Variants in DST observed in about 807,000 individuals in gnomAD.
DST encodes dystonin.
In DST, 253 loss-of-function variants were observed where a neutral mutation model predicts 875.2. The observed-to-expected ratio is 0.29, with a 90% confidence interval of 0.26 to 0.32. DST has a LOEUF of 0.32. Among genes scored for constraint, DST ranks in the 10% least tolerant of loss-of-function variants. The pLI, the probability that DST is intolerant of heterozygous loss-of-function variation, is 1.00. For missense variants in DST, 8,287 were observed against 9,111.6 expected (o/e 0.91, Z 3.68); for synonymous variants, 3,124 against 3,197.1 (o/e 0.98, Z 0.77).
intron 3 of DST, among the ~76,000 whole-genome samples, chr6:56,884,647 C>T (rs1019221018): frequency 6.6e-6 from 1 of 152,136 alleles, no homozygotes; most frequent in African/African-American, 2.4e-5. Flanking sequence ...AGGAGCCTCT[C>T]CAAGTTTACT....
intron 4 of DST, among the ~76,000 whole-genome samples, chr6:56,800,835 A>G (rs952931778): frequency 1.3e-5 from 2 of 152,100 alleles, no homozygotes; most frequent in African/African-American, 4.8e-5. Flanking sequence ...CCTGGGCAAC[A>G]TGGTGAAACC....
At chr6:56,890,137 G>A (rs564479422) in intron 3 of DST, among the ~76,000 whole-genome samples, 1 of 147,930 alleles carries the variant, frequency 6.8e-6, no homozygotes, top group South Asian at 2.1e-4. Flanking sequence ...GAGTGCCTAG[G>A]TTTAAATGTT....
rs1587201824 is a variant in DST, at chr6:56,631,308, C to T, written c.4045G>A (p.Ala1349Thr). 1 of 1,613,962 alleles carries T rather than the reference C, an allele frequency of 6.2e-7. No individual in the cohort carries two copies. The highest frequency in any genetic ancestry group is 8.5e-7 in the Non-Finnish European group (1 of 1,179,924). Reference sequence around the variant, plus strand: ...AGGGTAGGGACTGATGAAGAGGCTGCTGCTTGACTGAAAAACTCCTCACAC... The same window carrying T: ...AGGGTAGGGACTGATGAAGAGGCTGTTGCTTGACTGAAAAACTCCTCACAC... ...NKCEEFFSQAAASSSVPTLRS... is the reference protein window; with the variant it reads ...NKCEEFFSQATASSSVPTLRS... Residue 1349 changes from alanine (A) to threonine (T), a missense_variant, in exon 30 of 104, where the codon GCA becomes ACA. Ala to Thr is a moderately conservative substitution (Grantham distance 58). Around this residue, in one of 10 missense-constraint regions of DST, gnomAD observed 3,138 missense variants for 3,116.6 expected, o/e 1.01. Coordinates refer to ENST00000680361, the MANE Select transcript of DST (RefSeq NM_001374736.1).
rs761822159 is a variant in DST at position 56,504,067 on chromosome 6, C to G, written c.19496G>C (p.Gly6499Ala). The change falls in exon 78 of 104, where the codon GGT becomes GCT. Residue 6499 changes from glycine (G) to alanine (A), a missense_variant. Coordinates refer to ENST00000680361, the MANE Select transcript of DST (RefSeq NM_001374736.1). ...AATTGGAGACATTGAAGCTAATTTA[C>G]CACCTGCAATATCTACCCAGTCAAA... ...AVFDWVDIAG[G>A]KLASMSPIGT... 6.2e-7 allele frequency: 1 copy of G among 1,609,932 alleles called. No individual in the cohort carries two copies. The highest frequency in any genetic ancestry group is 1.1e-5 in the South Asian group (1 of 90,208).
Position 56,905,687 on chromosome 6 carries a change from C to T in DST, c.217-5066G>A, listed in dbSNP as rs1796088065. Among the ~76,000 whole-genome samples, 4 of 149,756 alleles carry T rather than the reference C, an allele frequency of 2.7e-5. No homozygotes were observed. The South Asian group carries it at 8.4e-4, about 31-fold the overall frequency. ...TTTTTTAGACAGAGTCTTGCTTTGTCACCCAGGCTGAAGTGCAATGGCACA... is the reference window on the plus strand; with the variant it reads ...TTTTTTAGACAGAGTCTTGCTTTGTTACCCAGGCTGAAGTGCAATGGCACA... On this transcript the variant is annotated intron_variant, in intron 2 of 103. Coordinates refer to ENST00000680361, the MANE Select transcript of DST (RefSeq NM_001374736.1).
At position 56,604,680 on chromosome 6, in the gene DST, A is replaced by G; in HGVS notation, c.9948T>C (p.Ile3316=). 1 of 1,611,404 alleles carries G rather than the reference A, an allele frequency of 6.2e-7. No homozygotes were observed. Among genetic ancestry groups the G allele is most frequent in the Non-Finnish European group, 8.5e-7 (1 of 1,178,360 alleles). Residue 3316 remains isoleucine (I), a synonymous_variant, in exon 40 of 104, where the codon ATT becomes ATC. Transcript: ENST00000680361. The part of the protein sequence containing the change: ...TLNTDYSFLE[I]NNKKERIEQQ... Reference sequence around the variant, plus strand: ...GCTCAATTCTTTCTTTCTTATTATTAATTTCTAAGAATGAATAGTCAGTAT... The same window carrying G: ...GCTCAATTCTTTCTTTCTTATTATTGATTTCTAAGAATGAATAGTCAGTAT...
chr6:56,732,557 TAAG>T lies in DST; in HGVS notation c.687+2668_687+2670del, dbSNP rs374564664. Among the ~76,000 whole-genome samples, 741 of 152,304 alleles carry T rather than the reference TAAG, an allele frequency of 4.9e-3. 5 individuals are homozygous for T. The highest frequency in any genetic ancestry group is 0.017 in the African/African-American group (708 of 41,564). On this transcript the variant is annotated intron_variant, in intron 5 of 103. Transcript: ENST00000680361. ...GCAAAAAAATCCTCACCAAATATTT[TAAG>T]AAGAAAATATTTATGCACATAAATG...
At chr6:56,530,519 T>G (rs561792792) in intron 64 of DST, among the ~76,000 whole-genome samples, 3 of 152,204 alleles carry the variant, frequency 2.0e-5, no homozygotes, top group Non-Finnish European at 4.4e-5. Flanking sequence ...TATATTAATT[T>G]CAATTGGAGC....
At chr6:56,778,376 TGTTA>T (rs1044144843) in intron 4 of DST, among the ~76,000 whole-genome samples, 24 of 150,666 alleles carry the variant, frequency 1.6e-4, no homozygotes, top group East Asian at 5.9e-4. Flanking sequence ...TTTTCAAATC[TGTTA>T]GTTATTTTTT....
chr6:56,791,534 C>T (rs563333549), intron 4 of DST, among the ~76,000 whole-genome samples: 1 of 152,208 alleles, frequency 6.6e-6, no homozygotes, highest in Non-Finnish European at 1.5e-5. Context: ...TACCTGTAAT[C>T]CCCACACTTT....
At chr6:56,487,788 T>C (rs1359069) in intron 86 of DST, among the ~76,000 whole-genome samples, 151,426 of 152,266 alleles carry the variant, frequency 0.99, 75,297 homozygotes, top group Middle Eastern at 1. Flanking sequence ...GAGATAACTG[T>C]TACTGAATAT....
chr6:56,896,767 G>C (rs1474097664), intron 3 of DST, among the ~76,000 whole-genome samples: 3 of 152,142 alleles, frequency 2.0e-5, no homozygotes, highest in Non-Finnish European at 2.9e-5. Context: ...ATTGTCTTTT[G>C]AGAACTGTCT....
rs2095031523 is a variant in DST at position 56,473,856 on chromosome 6, A to G, written c.21994+17T>C. The G allele has an allele frequency of 6.3e-7, 1 of 1,581,958 alleles. No individual in the cohort carries two copies. Among genetic ancestry groups the G allele is most frequent in the South Asian group, 1.2e-5 (1 of 83,596 alleles). ...CCCTTATTTATTGACATTTTAAAGAAATTGATCACTGCTTACTTCCTGCTC... is the reference window on the plus strand; with the variant it reads ...CCCTTATTTATTGACATTTTAAAGAGATTGATCACTGCTTACTTCCTGCTC... On this transcript the variant is annotated intron_variant, in intron 93 of 103. Coordinates refer to ENST00000680361, the MANE Select transcript of DST (RefSeq NM_001374736.1).
rs553517854 is a variant in DST, at chr6:56,782,762, T to C, written c.626-47473A>G. Among the ~76,000 whole-genome samples, 1,021 of 152,266 alleles carry C rather than the reference T, an allele frequency of 6.7e-3. 14 individuals carry two copies. Among genetic ancestry groups the C allele is most frequent in the South Asian group, 0.019 (92 of 4,820 alleles). On this transcript the variant is annotated intron_variant, in intron 4 of 103. Coordinates refer to ENST00000680361, the MANE Select transcript of DST (RefSeq NM_001374736.1). ...GATTTTCGTTATTTCTTGCCTTCTG[T>C]TAGCTTTTGAATGTGTTTGCTCTTG...
At chr6:56,746,747 T>G (rs890720956) in intron 4 of DST, among the ~76,000 whole-genome samples, 4 of 152,172 alleles carry the variant, frequency 2.6e-5, no homozygotes, top group African/African-American at 9.7e-5. Context: ...TTATTACTAT[T>G]AATAATAACT....
intron 92 of DST, 138 bp from the exon 93 acceptor site, chr6:56,474,140 G>T: frequency 2.7e-6 from 2 of 754,490 alleles, no homozygotes; most frequent in Non-Finnish European, 2.0e-6. Context: ...TATCTTTAGG[G>T]TAAAAAAAAT....
At chr6:56,810,714 A>G (rs1351556716) in intron 4 of DST, among the ~76,000 whole-genome samples, 1 of 142,856 alleles carries the variant, frequency 7.0e-6, no homozygotes, top group African/African-American at 2.8e-5. Context: ...CTCACAGGGA[A>G]AAAAAAAAAA....
intron 53 of DST, 111 bp downstream of exon 53, chr6:56,571,989 G>C (rs1217014753): frequency 2.0e-6 from 1 of 488,138 alleles, no homozygotes; most frequent in East Asian, 3.9e-5. Flanking sequence ...GTAGCCCTAT[G>C]CTTATTCTCA....
At chr6:56,842,998 G>C in intron 4 of DST, 1 of 1,331,686 alleles carries the variant, frequency 7.5e-7, no homozygotes, top group Non-Finnish European at 9.8e-7. Flanking sequence ...AGGAAAGGCA[G>C]CGGTTGCCTC....
Sources: gnomAD v4.1 joint callset for allele counts (sites outside exome capture counted in the v4.1 genomes callset) on GRCh38, gnomAD v4.1.1 for gene constraint, gnomAD v4.1.1 regional missense constraint, MANE v1.5 for transcripts, NCBI Gene and HGNC (gene_info 2026-07-23, HGNC 2026-07-21) for gene names.